The following CFTR variants were observed in gnomAD, a reference collection of about 807,000 sequenced individuals.
The protein encoded by CFTR is cystic fibrosis transmembrane conductance regulator.
CFTR carries 181 observed loss-of-function variants against 171.6 expected under a neutral mutation model. That is an observed-to-expected ratio of 1.05 (90% CI 0.93 to 1.19). The LOEUF is 1.19. CFTR is among the 50% of genes most tolerant of loss of function. CFTR has a pLI of 0.00. For synonymous variants in CFTR, 583 were observed against 608.0 expected (o/e 0.96, Z 0.60); for missense variants, 1,968 against 1,734.7 (o/e 1.13, Z -2.39).
In CFTR at chr7:117,592,079, C is replaced by T. The variant is rs1368033715; in HGVS notation, c.1912C>T (p.Pro638Ser). The T allele has an allele frequency of 3.1e-6, 5 of 1,612,568 alleles. No individual in the cohort carries two copies. Among genetic ancestry groups the T allele is most frequent in the Non-Finnish European group, 4.2e-6 (5 of 1,179,436 alleles). The change falls in exon 14 of 27, where the codon CCA becomes TCA. Residue 638 changes from proline (P) to serine (S), a missense_variant. Coordinates refer to ENST00000003084, the MANE Select transcript of CFTR (RefSeq NM_000492.4). Reference protein sequence around the residue: ...GTFSELQNLQPDFSSKLMGCD... With the variant: ...GTFSELQNLQSDFSSKLMGCD... ...ATTTTCAGAACTCCAAAATCTACAG[C>T]CAGACTTTAGCTCAAAACTCATGGG...
intron 11 of CFTR, among the ~76,000 whole-genome samples, chr7:117,585,761 C>T (rs1290995622): frequency 6.6e-6 from 1 of 152,106 alleles, no homozygotes; most frequent in East Asian, 1.9e-4. Flanking sequence ...CCTCCCTCAC[C>T]CTCCTGAGTA....
intron 11 of CFTR, among the ~76,000 whole-genome samples, chr7:117,569,896 C>A (rs1188511091): frequency 1.3e-5 from 2 of 152,136 alleles, no homozygotes; most frequent in East Asian, 3.9e-4. Context: ...CAGTGATAAG[C>A]AAGCCAGTTT....
chr7:117,586,778 T>G (rs1301386107), intron 11 of CFTR, among the ~76,000 whole-genome samples: 1 of 151,944 alleles, frequency 6.6e-6, no homozygotes, highest in East Asian at 1.9e-4. Context: ...GAGAGACTTT[T>G]TTTTTTTTAA....
chr7:117,606,552 T>C (rs961261419), intron 17 of CFTR, 122 bp from the exon 18 acceptor site: 9 of 678,482 alleles, frequency 1.3e-5, no homozygotes, highest in Admixed American at 2.2e-5. Context: ...TCTGATTCTA[T>C]TTGCTAATTC....
intron 10 of CFTR, among the ~76,000 whole-genome samples, chr7:117,550,801 A>AGC (rs1395409742): frequency 6.6e-6 from 1 of 152,188 alleles, no homozygotes; most frequent in Non-Finnish European, 1.5e-5. Flanking sequence ...AGCTTATGAA[A>AGC]AGCAGCTATG....
In CFTR at chr7:117,642,602, A is replaced by C. The variant is rs763211778; in HGVS notation, c.3873+9A>C. Reference sequence around the variant, plus strand: ...TTGGAGTGATACCACAGGTGAGCAAAAGGACTTAGCCAGAAAAAAGGCAAC... The same window carrying C: ...TTGGAGTGATACCACAGGTGAGCAACAGGACTTAGCCAGAAAAAAGGCAAC... On this transcript the variant is annotated intron_variant, in intron 23 of 26. Coordinates refer to ENST00000003084, the MANE Select transcript of CFTR (RefSeq NM_000492.4). 1 of 1,613,150 alleles carries C rather than the reference A, an allele frequency of 6.2e-7. No homozygotes were observed.
intron 3 of CFTR, among the ~76,000 whole-genome samples, chr7:117,519,911 TCTAC>T (rs879617056): frequency 9.9e-5 from 15 of 151,948 alleles, no homozygotes; most frequent in Non-Finnish European, 1.6e-4. Context: ...TTCTTGACTC[TCTAC>T]CTAAGTGTAA....
intron 11 of CFTR, among the ~76,000 whole-genome samples, chr7:117,567,449 C>T (rs1432420504): frequency 6.6e-6 from 1 of 152,128 alleles, no homozygotes; most frequent in Non-Finnish European, 1.5e-5. Context: ...GACAAAACAG[C>T]TCTTGAAATG....
rs397508314 is a variant in CFTR, at chr7:117,592,026, A to C, written c.1859A>C (p.His620Pro). Residue 620 changes from histidine to proline, a missense_variant, in exon 14 of 27, where the codon CAT becomes CCT. Transcript: ENST00000003084. ...AAAGCTGACAAAATATTAATTTTGC[A>C]TGAAGGTAGCAGCTATTTTTATGGG... ...LKKADKILIL[H>P]EGSSYFYGTF... 6.3e-7 allele frequency: 1 copy of C among 1,595,456 alleles called. No homozygotes were observed. Among genetic ancestry groups the C allele is most frequent in the Non-Finnish European group, 8.5e-7 (1 of 1,174,694 alleles).
intron 10 of CFTR, among the ~76,000 whole-genome samples, chr7:117,550,885 C>G (rs1348975191): frequency 6.6e-6 from 1 of 152,088 alleles, no homozygotes; most frequent in Non-Finnish European, 1.5e-5. Flanking sequence ...TTTACTAACT[C>G]AATCTAGGAG....
chr7:117,651,983 T>G (rs1793096012), intron 23 of CFTR, among the ~76,000 whole-genome samples: 1 of 152,068 alleles, frequency 6.6e-6, no homozygotes, highest in Admixed American at 6.6e-5. Flanking sequence ...GTAAAAAAAA[T>G]ATTCTAAATG....
intron 21 of CFTR, among the ~76,000 whole-genome samples, chr7:117,619,352 A>T (rs1461042185): frequency 1.3e-5 from 2 of 152,248 alleles, no homozygotes; most frequent in Non-Finnish European, 2.9e-5. Flanking sequence ...TGACAAGGTG[A>T]TGCTTCAAAA....
At chr7:117,646,984 A>G (rs958452691) in intron 23 of CFTR, among the ~76,000 whole-genome samples, 1 of 152,218 alleles carries the variant, frequency 6.6e-6, no homozygotes, top group African/African-American at 2.4e-5. Context: ...TGGATATTTT[A>G]CATGCAATCA....
intron 21 of CFTR, among the ~76,000 whole-genome samples, chr7:117,620,701 G>A (rs375191913): frequency 1.3e-5 from 2 of 152,120 alleles, no homozygotes; most frequent in South Asian, 2.1e-4. Flanking sequence ...AAAATTCACT[G>A]GTCTTTGTGC....
Position 117,590,240 on chromosome 7 carries a change from C to T in CFTR, c.1680-113C>T, listed in dbSNP as rs148484021. 768 of 1,231,948 alleles carry T rather than the reference C, an allele frequency of 6.2e-4. 3 individuals carry two copies. In the East Asian group the frequency reaches 0.01, roughly 17 times the overall value. The allele number at this position is 1,231,948 out of a possible 1,614,324, so 76.3% of individuals were successfully genotyped here. On this transcript the variant is annotated intron_variant, in intron 12 of 26. Transcript: ENST00000003084. ...TGAGAATAGTGTTATTTCAGTGAAT[C>T]GATGTGGTGACCATATTGTAATGCA...
intron 18 of CFTR, among the ~76,000 whole-genome samples, chr7:117,608,372 T>A (rs1562913274): frequency 6.6e-6 from 1 of 152,106 alleles, no homozygotes; most frequent in Non-Finnish European, 1.5e-5. Flanking sequence ...GCCTGGATAA[T>A]TTTTGTATTA....
At position 117,643,436 on chromosome 7, in the gene CFTR, G is replaced by A. The variant is rs977406541; in HGVS notation, c.3873+843G>A. ...TGCCAGGAGCACCTCCAGGTAGACTGACTATAAATCTAGACTGAAAAAAAA... is the reference window on the plus strand; with the variant it reads ...TGCCAGGAGCACCTCCAGGTAGACTAACTATAAATCTAGACTGAAAAAAAA... On this transcript the variant is annotated intron_variant, in intron 23 of 26. Transcript: ENST00000003084. Among the ~76,000 whole-genome samples the A allele has an allele frequency of 1.1e-4, 17 of 152,152 alleles. No individual in the cohort carries two copies. In the East Asian group the frequency reaches 3.1e-3, roughly 28 times the overall value.
intron 3 of CFTR, among the ~76,000 whole-genome samples, chr7:117,523,834 G>T (rs1303968327): frequency 6.6e-6 from 1 of 152,168 alleles, no homozygotes; most frequent in Non-Finnish European, 1.5e-5. Context: ...GAGAAATCCA[G>T]TGGAAGAGAT....
intron 12 of CFTR, among the ~76,000 whole-genome samples, chr7:117,588,228 T>G (rs1327158702): frequency 6.6e-6 from 1 of 152,046 alleles, no homozygotes; most frequent in Non-Finnish European, 1.5e-5. Flanking sequence ...AAACATACAT[T>G]TTCAAAATTT....
Sources: gnomAD v4.1 joint callset for allele counts (sites outside exome capture counted in the v4.1 genomes callset) on GRCh38, gnomAD v4.1.1 for gene constraint, MANE v1.5 for transcripts, NCBI Gene and HGNC (gene_info 2026-07-23, HGNC 2026-07-21) for gene names.